SP4: variants seen among roughly 807,000 people sequenced by gnomAD.
The protein encoded by SP4 is Sp4 transcription factor.
A neutral mutation model predicts 72.8 loss-of-function variants in SP4; 19 were observed. That is an observed-to-expected ratio of 0.26 (90% CI 0.18 to 0.38). The LOEUF (loss-of-function observed/expected upper bound fraction) is 0.38, where lower values mean the gene tolerates loss of function less well. SP4 is among the 10% of genes least tolerant of loss of function. The probability of loss-of-function intolerance (pLI) is 1.00; values close to 1 mark genes in which losing one functional copy is unlikely to be tolerated. For missense variants in SP4, 1,008 were observed against 926.3 expected (o/e 1.09, Z -1.14); for synonymous variants, 395 against 333.1 (o/e 1.19, Z -2.02).
Position 21,428,744 on chromosome 7 carries a change from C to G in SP4, c.75C>G (p.Thr25=). ...CGATGGCTACAGAAGGAGGGAAAAC[C>G]TCTGAGCCAGAGAATAACAATAAAA... The part of the protein sequence containing the change: ...AAAMATEGGK[T]SEPENNNKKP... The change falls in exon 2 of 6, where the codon ACC becomes ACG. Residue 25 remains threonine (T), a synonymous_variant. Coordinates refer to ENST00000222584, the MANE Select transcript of SP4 (RefSeq NM_003112.5). 1 of 1,553,472 alleles carries G rather than the reference C, an allele frequency of 6.4e-7. No individual in the cohort carries two copies. Among genetic ancestry groups the G allele is most frequent in the Non-Finnish European group, 8.7e-7 (1 of 1,148,070 alleles).
intron 3 of SP4, among the ~76,000 whole-genome samples, chr7:21,461,219 C>T (rs757128752): frequency 2.6e-5 from 4 of 152,258 alleles, no homozygotes; most frequent in East Asian, 1.9e-4. Flanking sequence ...CTTGGGCAGT[C>T]GATGGGACCG....
chr7:21,500,029 G>A (rs1279763464), intron 5 of SP4, among the ~76,000 whole-genome samples: 1 of 152,132 alleles, frequency 6.6e-6, no homozygotes, highest in Non-Finnish European at 1.5e-5. Flanking sequence ...TATTAAAATA[G>A]TAAGTAGTCG....
At chr7:21,460,259 C>T (rs1274709271) in intron 3 of SP4, among the ~76,000 whole-genome samples, 1 of 152,170 alleles carries the variant, frequency 6.6e-6, no homozygotes, top group East Asian at 1.9e-4. Context: ...TTTGTTCCTT[C>T]TGATGTGGGG....
intron 3 of SP4, among the ~76,000 whole-genome samples, chr7:21,449,738 G>A (rs1473356886): frequency 6.6e-6 from 1 of 151,776 alleles, no homozygotes; most frequent in Non-Finnish European, 1.5e-5. Context: ...GTGAATATAT[G>A]GTTTACCCAA....
At chr7:21,504,546 G>T (rs906436621) in intron 5 of SP4, among the ~76,000 whole-genome samples, 1 of 152,066 alleles carries the variant, frequency 6.6e-6, no homozygotes, top group South Asian at 2.1e-4. Context: ...TCATGTAGTG[G>T]AGCTTCCCTA....
At position 21,472,976 on chromosome 7, in the gene SP4, C is replaced by G. The variant is rs139565860; in HGVS notation, c.1679-4103C>G. On this transcript the variant is annotated intron_variant, in intron 3 of 5. Coordinates refer to ENST00000222584, the MANE Select transcript of SP4 (RefSeq NM_003112.5). ...TGGTCATTAGAAGGAAGACTGTGAA[C>G]CAGGAGCTGAGTAAGTCCTTGTGGT... 4.6e-3 allele frequency among the ~76,000 whole-genome samples: 696 copies of G among 152,230 alleles called. 5 individuals are homozygous for G. The highest frequency in any genetic ancestry group is 9.2e-3 in the Admixed American group (140 of 15,290).
intron 3 of SP4, among the ~76,000 whole-genome samples, chr7:21,463,560 T>A (rs1004102468): frequency 6.6e-6 from 1 of 151,950 alleles, no homozygotes; most frequent in Non-Finnish European, 1.5e-5. Context: ...GGATTGAGAG[T>A]GTGTCCACAT....
At chr7:21,434,651 T>C (rs11971519) in intron 3 of SP4, among the ~76,000 whole-genome samples, 33,531 of 152,078 alleles carry the variant, frequency 0.22, 5,345 homozygotes, top group East Asian at 0.63. Context: ...AGTGCGGTTG[T>C]GTTACATGGA....
At chr7:21,458,225 C>G (rs951477671) in intron 3 of SP4, among the ~76,000 whole-genome samples, 1 of 152,118 alleles carries the variant, frequency 6.6e-6, no homozygotes, top group Non-Finnish European at 1.5e-5. Context: ...TGGAGTCTCA[C>G]TCTGTTGCCC....
At chr7:21,492,452 GTGT>G (rs1290363742) in intron 5 of SP4, among the ~76,000 whole-genome samples, 1 of 152,124 alleles carries the variant, frequency 6.6e-6, no homozygotes, top group Non-Finnish European at 1.5e-5. Flanking sequence ...TCATTGGAGT[GTGT>G]TGTTTTTCAG....
intron 5 of SP4, among the ~76,000 whole-genome samples, chr7:21,498,634 C>G (rs1437597695): frequency 6.6e-6 from 1 of 152,140 alleles, no homozygotes; most frequent in African/African-American, 2.4e-5. Flanking sequence ...CAAGTCAACC[C>G]TCAAGCATTT....
intron 2 of SP4, 143 bp from the exon 3 acceptor site, chr7:21,429,146 G>A (rs907407781): frequency 3.4e-6 from 2 of 593,318 alleles, no homozygotes; most frequent in Admixed American, 3.1e-5. Flanking sequence ...ACTTTTGTTC[G>A]TATTTCTTTT....
intron 3 of SP4, among the ~76,000 whole-genome samples, chr7:21,462,024 T>C (rs1272518486): frequency 7.5e-6 from 1 of 133,914 alleles, no homozygotes; most frequent in Non-Finnish European, 1.6e-5. Flanking sequence ...TGTTTTAGTT[T>C]TAGTTTTTTT....
intron 3 of SP4, among the ~76,000 whole-genome samples, chr7:21,472,025 A>G (rs962780331): frequency 1.3e-5 from 2 of 152,170 alleles, no homozygotes; most frequent in East Asian, 1.9e-4. Context: ...AAAAAGAGCT[A>G]TATTAGGAAA....
At chr7:21,433,971 C>A (rs1372641330) in intron 3 of SP4, among the ~76,000 whole-genome samples, 3 of 151,894 alleles carry the variant, frequency 2.0e-5, no homozygotes, top group Non-Finnish European at 4.4e-5. Flanking sequence ...AAAAAAGACA[C>A]AAAGAGTGAG....
At chr7:21,428,613 A>C in intron 1 of SP4, 64 bp from the exon 2 acceptor site, 5 of 1,439,980 alleles carry the variant, frequency 3.5e-6, no homozygotes, top group South Asian at 1.3e-5. Flanking sequence ...GAGAGGAAGA[A>C]GACGAATAAT....
chr7:21,508,961 C>T (rs1782077117), intron 5 of SP4, among the ~76,000 whole-genome samples: 2 of 151,840 alleles, frequency 1.3e-5, no homozygotes, highest in African/African-American at 4.8e-5. Context: ...TGAATCTGGC[C>T]ACGACAAATT....
intron 3 of SP4, among the ~76,000 whole-genome samples, chr7:21,455,401 C>T (rs769276127): frequency 6.6e-6 from 1 of 152,072 alleles, no homozygotes; most frequent in Non-Finnish European, 1.5e-5. Flanking sequence ...TTTGAGGATG[C>T]ATCCATGGGG....
At position 21,445,988 on chromosome 7, in the gene SP4, A is replaced by G. The variant is rs10245671; in HGVS notation, c.1678+15145A>G. 2.5e-3 allele frequency among the ~76,000 whole-genome samples: 355 copies of G among 143,226 alleles called. 3 individuals are homozygous for G. The highest frequency in any genetic ancestry group is 2.0e-3 in the Non-Finnish European group (127 of 65,018). The allele number at this position is 143,226 out of a possible 152,430, so 94.0% of individuals were successfully genotyped here. ...AGTTCATTTTGTGTATCTTATGTGT[A>G]TGTGTGTGTGTGTGTGTGTGTGTGT... On this transcript the variant is annotated intron_variant, in intron 3 of 5. Transcript: ENST00000222584.
Sources: gnomAD v4.1 joint callset for allele counts (sites outside exome capture counted in the v4.1 genomes callset) on GRCh38, gnomAD v4.1.1 for gene constraint, MANE v1.5 for transcripts, NCBI Gene and HGNC (gene_info 2026-07-23, HGNC 2026-07-21) for gene names.